JAM3: variants seen among roughly 807,000 people sequenced by gnomAD.
JAM3 encodes the protein junctional adhesion molecule C.
A neutral mutation model predicts 39.4 loss-of-function variants in JAM3; 31 were observed. The ratio of observed to expected loss-of-function variants is 0.79; its 90% CI spans 0.59 to 1.06. The LOEUF (loss-of-function observed/expected upper bound fraction) is 1.06, where lower values mean the gene tolerates loss of function less well. Ranked by LOEUF, JAM3 falls within the 50% of genes least tolerant of loss-of-function variation. The pLI, the probability that JAM3 is intolerant of heterozygous loss-of-function variation, is 0.00. For synonymous variants in JAM3, 182 were observed against 148.7 expected (o/e 1.22, Z -1.63); for missense variants, 455 against 391.4 (o/e 1.16, Z -1.37).
intron 1 of JAM3, among the ~76,000 whole-genome samples, chr11:134,104,683 A>G (rs1942147375): frequency 6.6e-6 from 1 of 152,206 alleles, no homozygotes; most frequent in African/African-American, 2.4e-5. Context: ...ATCGCCACCG[A>G]TCCTACAGAA....
chr11:134,071,913 G>A (rs780054093), intron 1 of JAM3, among the ~76,000 whole-genome samples: 6 of 152,068 alleles, frequency 3.9e-5, no homozygotes, highest in Non-Finnish European at 7.4e-5. Context: ...TTGTTGATGG[G>A]CATTTGTTCT....
At chr11:134,140,814 C>A in intron 3 of JAM3, 44 bp downstream of exon 3, 1 of 1,580,490 alleles carries the variant, frequency 6.3e-7, no homozygotes, top group South Asian at 1.2e-5. Context: ...TTCCTCTGTC[C>A]ATAGACCTGG....
chr11:134,080,311 T>G (rs1941643840), intron 1 of JAM3, among the ~76,000 whole-genome samples: 1 of 152,208 alleles, frequency 6.6e-6, no homozygotes, highest in African/African-American at 2.4e-5. Flanking sequence ...GTGAAATAGC[T>G]TAGGTTTTGA....
chr11:134,148,522 T>G (rs1184802950), intron 6 of JAM3, 25 bp from the exon 7 acceptor site: 1 of 1,614,142 alleles, frequency 6.2e-7, no homozygotes, highest in East Asian at 2.2e-5. Context: ...GTATCATGGC[T>G]TCCACCAAAC....
At chr11:134,124,788 G>A (rs1435461528) in intron 1 of JAM3, among the ~76,000 whole-genome samples, 2 of 152,208 alleles carry the variant, frequency 1.3e-5, no homozygotes, top group Non-Finnish European at 2.9e-5. Context: ...TGTTAATTAT[G>A]GCACATAGAA....
chr11:134,141,478 G>T (rs1269072393), intron 3 of JAM3, among the ~76,000 whole-genome samples: 2 of 151,988 alleles, frequency 1.3e-5, no homozygotes, highest in Non-Finnish European at 2.9e-5. Flanking sequence ...GGCTGGAGAG[G>T]TTGCCTGGCC....
chr11:134,070,385 C>G, intron 1 of JAM3: 1 of 370,742 alleles, frequency 2.7e-6, no homozygotes, highest in East Asian at 7.2e-5. Context: ...CACGGAGGGA[C>G]TGTTTAGGAG....
At chr11:134,109,517 C>G (rs1467555944) in intron 1 of JAM3, among the ~76,000 whole-genome samples, 1 of 152,210 alleles carries the variant, frequency 6.6e-6, no homozygotes. Context: ...ATTTACTTAT[C>G]AACTATGGCT....
chr11:134,101,729 C>T (rs574610578), intron 1 of JAM3, among the ~76,000 whole-genome samples: 1 of 152,132 alleles, frequency 6.6e-6, no homozygotes, highest in East Asian at 1.9e-4. Flanking sequence ...CTTTTTCCTC[C>T]AGTTTTTATC....
At chr11:134,097,435 TGAAATTC>T (rs1256643553) in intron 1 of JAM3, among the ~76,000 whole-genome samples, 1 of 152,186 alleles carries the variant, frequency 6.6e-6, no homozygotes. Context: ...TGAGATTCGG[TGAAATTC>T]GCAAGTACCT....
chr11:134,132,946 G>A (rs772364858), intron 1 of JAM3, among the ~76,000 whole-genome samples: 1 of 152,210 alleles, frequency 6.6e-6, no homozygotes, highest in Non-Finnish European at 1.5e-5. Flanking sequence ...TGCTCTGCAG[G>A]TTGGGATTCT....
chr11:134,087,235 T>G (rs1941759947), intron 1 of JAM3, among the ~76,000 whole-genome samples: 1 of 152,130 alleles, frequency 6.6e-6, no homozygotes, highest in Non-Finnish European at 1.5e-5. Flanking sequence ...ACACACACTT[T>G]TTTTGCATAT....
chr11:134,088,670 C>G (rs926001674), intron 1 of JAM3, among the ~76,000 whole-genome samples: 1 of 152,130 alleles, frequency 6.6e-6, no homozygotes, highest in African/African-American at 2.4e-5. Context: ...ATATAAATAA[C>G]AGTTTTAAGA....
chr11:134,142,819 G>C (rs566157367), intron 3 of JAM3, among the ~76,000 whole-genome samples: 1 of 152,196 alleles, frequency 6.6e-6, no homozygotes, highest in African/African-American at 2.4e-5. Context: ...TTCTGTCTCT[G>C]TGGATTTGCC....
intron 1 of JAM3, chr11:134,124,008 C>T: frequency 6.0e-6 from 9 of 1,493,314 alleles, no homozygotes; most frequent in South Asian, 1.1e-5. Flanking sequence ...CACAGGTGCC[C>T]TTCCCAATCC....
chr11:134,119,593 G>A (rs1040964483), intron 1 of JAM3, among the ~76,000 whole-genome samples: 11 of 152,302 alleles, frequency 7.2e-5, no homozygotes, highest in African/African-American at 2.6e-4. Flanking sequence ...GCAGGCTGGA[G>A]ACCCAGGAGA....
intron 1 of JAM3, among the ~76,000 whole-genome samples, chr11:134,114,448 C>T (rs1484417840): frequency 6.6e-6 from 1 of 152,152 alleles, no homozygotes; most frequent in Non-Finnish European, 1.5e-5. Context: ...GGAATCCTTT[C>T]CCCATTTCTT....
intron 1 of JAM3, among the ~76,000 whole-genome samples, chr11:134,097,653 A>G (rs928111845): frequency 1.1e-4 from 16 of 152,164 alleles, no homozygotes; most frequent in Admixed American, 1.0e-3. Context: ...GCAAAGCATT[A>G]AAAACAATTT....
rs1565505646 is a variant in JAM3, at chr11:134,144,799, A to G, written c.417A>G (p.Pro139=). 3 of 1,614,052 alleles carry G rather than the reference A, an allele frequency of 1.9e-6. No homozygotes were observed. Among genetic ancestry groups the G allele is most frequent in the Non-Finnish European group, 1.7e-6 (2 of 1,179,926 alleles). The change falls in exon 5 of 9, where the codon CCA becomes CCG. Residue 139 remains proline, a synonymous_variant. Transcript: ENST00000299106. ...ACCCCTTTTTCCCCACAGTGAAGCCAGTGACCCCTGTCTGTAGAGTGCCGA... is the reference window on the plus strand; with the variant it reads ...ACCCCTTTTTCCCCACAGTGAAGCCGGTGACCCCTGTCTGTAGAGTGCCGA... The part of the protein sequence containing the change: ...IVIELTVQVK[P]VTPVCRVPKA...
Sources: gnomAD v4.1 joint callset for allele counts (sites outside exome capture counted in the v4.1 genomes callset) on GRCh38, gnomAD v4.1.1 for gene constraint, MANE v1.5 for transcripts, NCBI Gene and HGNC (gene_info 2026-07-23, HGNC 2026-07-21) for gene names.